ZMYND8: variants seen among roughly 807,000 people sequenced by gnomAD.
ZMYND8 encodes the protein zinc finger MYND-type containing 8.
Under a neutral mutation model 140.8 loss-of-function variants are expected in ZMYND8, and 37 were observed. The observed-to-expected ratio is 0.26, with a 90% CI of 0.20 to 0.35. ZMYND8 has a LOEUF of 0.35. Among genes scored for constraint, ZMYND8 ranks in the 10% least tolerant of loss-of-function variants. The probability of loss-of-function intolerance (pLI) is 1.00; values close to 1 mark genes in which losing one functional copy is unlikely to be tolerated. For synonymous variants in ZMYND8, 592 were observed against 597.1 expected (o/e 0.99, Z 0.12); for missense variants, 1,068 against 1,570.0 (o/e 0.68, Z 5.40).
chr20:47,290,781 G>A (rs2077214853), intron 6 of ZMYND8, among the ~76,000 whole-genome samples: 1 of 151,680 alleles, frequency 6.6e-6, no homozygotes, highest in Admixed American at 6.6e-5. Context: ...AGTAGAGACG[G>A]GGTTTCTCCA....
intron 2 of ZMYND8, among the ~76,000 whole-genome samples, chr20:47,334,423 A>G (rs1052567545): frequency 2.6e-5 from 4 of 152,076 alleles, no homozygotes; most frequent in Non-Finnish European, 1.5e-5. Flanking sequence ...GTATGATTCC[A>G]TTTATATGAA....
chr20:47,255,416 AAGAG>A (rs145163610), intron 12 of ZMYND8, among the ~76,000 whole-genome samples: 2,446 of 151,826 alleles, frequency 0.016, 33 homozygotes, highest in Non-Finnish European at 0.022. Context: ...CATTTAAAAA[AAGAG>A]AGACAGGGCC....
intron 12 of ZMYND8, among the ~76,000 whole-genome samples, chr20:47,251,450 G>C (rs1252768636): frequency 2.0e-5 from 3 of 151,968 alleles, no homozygotes; most frequent in Admixed American, 6.6e-5. Context: ...AGCTGGGCTT[G>C]GTGGTGCACG....
intron 2 of ZMYND8, among the ~76,000 whole-genome samples, chr20:47,323,127 A>G (rs556720060): frequency 6.6e-6 from 1 of 152,332 alleles, no homozygotes; most frequent in South Asian, 2.1e-4. Context: ...AGTGAATGAA[A>G]GGCATCTGGC....
chr20:47,231,770 T>C (rs1250243296), intron 16 of ZMYND8, among the ~76,000 whole-genome samples: 2 of 152,268 alleles, frequency 1.3e-5, no homozygotes, highest in Non-Finnish European at 2.9e-5. Flanking sequence ...GCACCCACTG[T>C]GTCCATTTTA....
rs1348429912 is a variant in ZMYND8, at chr20:47,298,498, G to A, written c.453+231C>T. ...ACTACAGATCTCCAAGGAATCCAAG[G>A]ACTCATGAGAAATCAGAAATAATAT... On this transcript the variant is annotated intron_variant, in intron 4 of 22. Coordinates refer to ENST00000471951, the MANE Select transcript of ZMYND8 (RefSeq NM_001281775.3). This position sits in a 1 kb window ranked among gnomAD's most constrained non-coding sequence, Gnocchi z 5.0. 1.0e-6 allele frequency: 1 copy of A among 985,250 alleles called. No individual in the cohort carries two copies. Among genetic ancestry groups the A allele is most frequent in the African/African-American group, 1.7e-5 (1 of 57,210 alleles). The allele number at this position is 985,250 out of a possible 1,614,324, so 61.0% of individuals were successfully genotyped here.
intron 12 of ZMYND8, among the ~76,000 whole-genome samples, chr20:47,252,637 G>A (rs975608729): frequency 2.0e-5 from 3 of 152,192 alleles, no homozygotes; most frequent in Non-Finnish European, 4.4e-5. Context: ...AAAGCCTGGA[G>A]AGGACCGGGA....
At chr20:47,290,589 T>TG (rs1569111150) in intron 6 of ZMYND8, among the ~76,000 whole-genome samples, 10 of 141,978 alleles carry the variant, frequency 7.0e-5, no homozygotes, top group Non-Finnish European at 1.1e-4. Context: ...TTTAGTTTTT[T>TG]TTTTTTTTTT....
At position 47,219,055 on chromosome 20, in the gene ZMYND8, A is replaced by ATTTTTTT. The variant is rs3092175; in HGVS notation, c.3484+1196_3484+1202dup. ...AACATGGCAAAACCCCGTTTCTACA[A>ATTTTTTT]TTTTTTTTTTTTTTTTTTTTGAGAG... On this transcript the variant is annotated intron_variant, in intron 21 of 22. Transcript: ENST00000471951. Among the ~76,000 whole-genome samples, 68 of 110,928 alleles carry ATTTTTTT rather than the reference A, an allele frequency of 6.1e-4. 1 individual carries two copies. The highest frequency in any genetic ancestry group is 1.8e-3 in the African/African-American group (54 of 29,902). The allele number at this position is 110,928 out of a possible 152,430, so 72.8% of individuals were successfully genotyped here. A position where few individuals can be genotyped will look rare whatever the true frequency, so the allele number is the denominator to read the frequency against.
intron 18 of ZMYND8, among the ~76,000 whole-genome samples, chr20:47,225,277 T>C (rs921541209): frequency 9.2e-5 from 14 of 152,074 alleles, no homozygotes; most frequent in Admixed American, 5.2e-4. Context: ...AAAAGAAAAA[T>C]AGGCCAAGTG....
intron 11 of ZMYND8, among the ~76,000 whole-genome samples, chr20:47,268,832 C>CA (rs917873501): frequency 2.0e-5 from 3 of 151,604 alleles, no homozygotes; most frequent in African/African-American, 7.3e-5. Flanking sequence ...ACAAAAATAT[C>CA]AAACAATCTC....
At chr20:47,227,966 G>A (rs567275023) in intron 17 of ZMYND8, among the ~76,000 whole-genome samples, 68 of 152,148 alleles carry the variant, frequency 4.5e-4, no homozygotes, top group African/African-American at 1.4e-3. Context: ...GGCGGCGCAC[G>A]CCTGTAATCC....
At chr20:47,331,069 G>C (rs1323276895) in intron 2 of ZMYND8, among the ~76,000 whole-genome samples, 1 of 152,172 alleles carries the variant, frequency 6.6e-6, no homozygotes, top group Non-Finnish European at 1.5e-5. Flanking sequence ...ACGGAGAGAA[G>C]TGGAACACAG....
intron 2 of ZMYND8, among the ~76,000 whole-genome samples, chr20:47,334,603 A>T (rs923460057): frequency 3.1e-4 from 45 of 145,074 alleles, no homozygotes; most frequent in East Asian, 1.4e-3. Flanking sequence ...GTGAAAAAAA[A>T]AAATATATAT....
chr20:47,337,034 C>CA (rs59318496), intron 2 of ZMYND8, among the ~76,000 whole-genome samples: 489 of 122,458 alleles, frequency 4.0e-3, no homozygotes, highest in Non-Finnish European at 4.6e-3. Flanking sequence ...ACACTCTTAT[C>CA]AAAAAAAAAA....
Position 47,329,611 on chromosome 20 carries a change from T to A in ZMYND8, c.85+18245A>T, listed in dbSNP as rs558152386. Among the ~76,000 whole-genome samples the A allele has an allele frequency of 2.0e-5, 3 of 151,834 alleles. No homozygotes were observed. In the South Asian group the frequency reaches 6.3e-4, roughly 32 times the overall value. On this transcript the variant is annotated intron_variant, in intron 2 of 22. Transcript: ENST00000471951. ...TAGAGGCGGGGTTTCTCCATGTTGG[T>A]CAGGCTGGTCTCAAACTCCCAACCT...
At chr20:47,342,352 C>A (rs960727767) in intron 2 of ZMYND8, among the ~76,000 whole-genome samples, 12 of 150,736 alleles carry the variant, frequency 8.0e-5, no homozygotes, top group Non-Finnish European at 1.0e-4. Context: ...CGAGACTAGC[C>A]TGGCCAACAT....
At chr20:47,276,271 G>T in intron 11 of ZMYND8, 43 bp downstream of exon 11, 2 of 1,492,782 alleles carry the variant, frequency 1.3e-6, no homozygotes, top group Non-Finnish European at 1.8e-6. Context: ...GGAAACCCCC[G>T]TGTCCAAGGG....
At chr20:47,297,477 A>G (rs981315686) in intron 4 of ZMYND8, among the ~76,000 whole-genome samples, 1 of 151,858 alleles carries the variant, frequency 6.6e-6, no homozygotes, top group Non-Finnish European at 1.5e-5. Flanking sequence ...GATAGAATAC[A>G]GTGGCATGAT....
Sources: allele counts gnomAD v4.1 joint callset (sites outside exome capture counted in the v4.1 genomes callset), GRCh38; gene constraint gnomAD v4.1.1; non-coding constraint Gnocchi (gnomAD v3.1); transcripts MANE v1.5; gene names NCBI Gene and HGNC (gene_info 2026-07-23, HGNC 2026-07-21).